The following KLHL32 variants were observed in gnomAD, a reference collection of about 807,000 sequenced individuals.
KLHL32 encodes the protein kelch like family member 32.
KLHL32 carries 35 observed loss-of-function variants against 64.8 expected under a neutral mutation model. That is an observed-to-expected ratio of 0.54 (90% CI 0.41 to 0.72). KLHL32 has a LOEUF of 0.72. Among genes scored for constraint, KLHL32 ranks in the 30% least tolerant of loss-of-function variants. KLHL32 has a pLI of 0.00. For missense variants in KLHL32, 589 were observed against 768.5 expected (o/e 0.77, Z 2.76); for synonymous variants, 259 against 281.0 (o/e 0.92, Z 0.78).
At chr6:96,932,570 C>CG (rs1770052673) in intron 1 of KLHL32, among the ~76,000 whole-genome samples, 1 of 134,366 alleles carries the variant, frequency 7.4e-6, no homozygotes, top group African/African-American at 2.6e-5. Flanking sequence ...AATTTCCCCC[C>CG]CCCCCTTTTT....
At chr6:97,125,275 T>G (rs993992065) in intron 7 of KLHL32, among the ~76,000 whole-genome samples, 2 of 152,152 alleles carry the variant, frequency 1.3e-5, no homozygotes, top group Admixed American at 6.5e-5. Flanking sequence ...CCTTTATGTA[T>G]CCATTAGTTT....
At chr6:97,018,600 C>CAA (rs11319122) in intron 3 of KLHL32, among the ~76,000 whole-genome samples, 2 of 122,298 alleles carry the variant, frequency 1.6e-5, no homozygotes, top group Non-Finnish European at 3.6e-5. Flanking sequence ...GACTCAGTCT[C>CAA]AAAAAAAAAA....
chr6:96,945,302 C>T (rs1366425390), intron 1 of KLHL32, among the ~76,000 whole-genome samples: 1 of 152,188 alleles, frequency 6.6e-6, no homozygotes, highest in East Asian at 1.9e-4. Context: ...TAACTCAAAA[C>T]CATGCTTCTT....
intron 4 of KLHL32, among the ~76,000 whole-genome samples, chr6:97,046,543 A>G (rs1785955940): frequency 6.6e-6 from 1 of 152,172 alleles, no homozygotes; most frequent in Non-Finnish European, 1.5e-5. Context: ...TGTTCTCCCT[A>G]TGTGATCACT....
intron 3 of KLHL32, among the ~76,000 whole-genome samples, chr6:97,018,561 A>G (rs1025654234): frequency 2.6e-5 from 4 of 151,510 alleles, no homozygotes; most frequent in Non-Finnish European, 5.9e-5. Context: ...AGATCACACC[A>G]CTGTGCTCCA....
intron 7 of KLHL32, among the ~76,000 whole-genome samples, chr6:97,116,055 C>T (rs1468603575): frequency 1.3e-5 from 2 of 152,078 alleles, no homozygotes; most frequent in African/African-American, 4.8e-5. Flanking sequence ...CTGAGCGGTG[C>T]CTCAGTTATT....
intron 1 of KLHL32, among the ~76,000 whole-genome samples, chr6:96,935,794 ATC>A (rs1313061570): frequency 1.3e-5 from 2 of 152,172 alleles, no homozygotes; most frequent in Non-Finnish European, 2.9e-5. Context: ...AGAAAGGAAA[ATC>A]TCTGTTTTAC....
intron 1 of KLHL32, among the ~76,000 whole-genome samples, chr6:96,963,471 A>G (rs1363630015): frequency 1.3e-5 from 2 of 152,252 alleles, no homozygotes; most frequent in East Asian, 3.9e-4. Flanking sequence ...TTTTCTTTAC[A>G]AAAGGAAAAC....
Position 97,118,416 on chromosome 6 carries a change from C to T in KLHL32, c.1354+3907C>T, listed in dbSNP as rs574871563. 3.9e-3 allele frequency among the ~76,000 whole-genome samples: 589 copies of T among 152,040 alleles called. 2 individuals are homozygous for T. The highest frequency in any genetic ancestry group is 4.8e-3 in the Non-Finnish European group (326 of 67,974). ...GGCGGATCGCCTGAGATTAGGAGTT[C>T]GAGACCAGCCTGGCCAGCATGGTGA... On this transcript the variant is annotated intron_variant, in intron 7 of 10. Transcript: ENST00000369261.
chr6:97,056,079 C>T (rs1176296736), intron 4 of KLHL32, among the ~76,000 whole-genome samples: 1 of 148,682 alleles, frequency 6.7e-6, no homozygotes, highest in Non-Finnish European at 1.5e-5. Context: ...TAGCCAGCCT[C>T]CCTTTTCTTT....
At chr6:97,033,864 A>T (rs1248751344) in intron 3 of KLHL32, among the ~76,000 whole-genome samples, 1 of 152,014 alleles carries the variant, frequency 6.6e-6, no homozygotes, top group Non-Finnish European at 1.5e-5. Context: ...CCATTTTAAA[A>T]TTCAGTTATT....
intron 7 of KLHL32, among the ~76,000 whole-genome samples, chr6:97,118,449 T>G (rs1798031978): frequency 1.3e-5 from 2 of 151,948 alleles, no homozygotes; most frequent in South Asian, 4.2e-4. Context: ...TGAAACCCCA[T>G]CTCTACTAAA....
At chr6:97,061,555 T>A (rs1284430409) in intron 4 of KLHL32, among the ~76,000 whole-genome samples, 1 of 152,170 alleles carries the variant, frequency 6.6e-6, no homozygotes, top group Non-Finnish European at 1.5e-5. Flanking sequence ...TTGGGGAACA[T>A]CTCTTCCTTC....
rs543273539 is a variant in KLHL32, at chr6:97,139,029, G to A, written c.1702-92G>A. 91 of 1,222,636 alleles carry A rather than the reference G, an allele frequency of 7.4e-5. No individual in the cohort carries two copies. In the South Asian group the frequency reaches 1.3e-3, roughly 17 times the overall value. The allele number at this position is 1,222,636 out of a possible 1,614,324, so 75.7% of individuals were successfully genotyped here. A position where few individuals can be genotyped will look rare whatever the true frequency, so the allele number is the denominator to read the frequency against. ...AAGATATGGTGATGGTGACATAACTGAATTTAAGTTCAGAATTTCTTTTAT... is the reference window on the plus strand; with the variant it reads ...AAGATATGGTGATGGTGACATAACTAAATTTAAGTTCAGAATTTCTTTTAT... On this transcript the variant is annotated intron_variant, in intron 10 of 10. Transcript: ENST00000369261.
intron 1 of KLHL32, among the ~76,000 whole-genome samples, chr6:96,954,312 ATTTT>A (rs71012579): frequency 3.4e-5 from 3 of 89,434 alleles, no homozygotes; most frequent in Admixed American, 2.6e-4. Context: ...CTTTCCTTCA[ATTTT>A]TTTTTTTTTT....
chr6:97,086,261 T>G (rs1793399529), intron 6 of KLHL32, among the ~76,000 whole-genome samples: 1 of 152,242 alleles, frequency 6.6e-6, no homozygotes, highest in African/African-American at 2.4e-5. Context: ...TTAGAGAGTA[T>G]TTTAATTCTG....
At chr6:97,027,957 G>C (rs1782978827) in intron 3 of KLHL32, among the ~76,000 whole-genome samples, 1 of 152,152 alleles carries the variant, frequency 6.6e-6, no homozygotes, top group African/African-American at 2.4e-5. Flanking sequence ...TATGACCAAG[G>C]GGAGAAAGCT....
intron 3 of KLHL32, among the ~76,000 whole-genome samples, chr6:97,039,021 C>T (rs1280806184): frequency 6.9e-6 from 1 of 145,326 alleles, no homozygotes; most frequent in Non-Finnish European, 1.5e-5. Context: ...ACCCAGGAGG[C>T]GGAGGTTGCA....
chr6:97,100,799 C>CTTTTTTTT (rs763909891), intron 6 of KLHL32, among the ~76,000 whole-genome samples: 36 of 96,222 alleles, frequency 3.7e-4, no homozygotes, highest in East Asian at 9.2e-4. Context: ...GCTCATTATT[C>CTTTTTTTT]TTTTTTTTTT....
Sources: allele counts gnomAD v4.1 joint callset (sites outside exome capture counted in the v4.1 genomes callset), GRCh38; gene constraint gnomAD v4.1.1; transcripts MANE v1.5; gene names NCBI Gene and HGNC (gene_info 2026-07-23, HGNC 2026-07-21).